Variants in NOL4 observed in about 807,000 individuals in gnomAD.
NOL4 encodes the protein cancer/testis antigen 125.
Under a neutral mutation model 75.9 loss-of-function variants are expected in NOL4, and 17 were observed. That is an observed-to-expected ratio of 0.22 (90% CI 0.15 to 0.34). NOL4 has a LOEUF of 0.34. NOL4 is among the 10% of genes least tolerant of loss of function. The probability of loss-of-function intolerance (pLI) is 1.00; values close to 1 mark genes in which losing one functional copy is unlikely to be tolerated. For synonymous variants in NOL4, 292 were observed against 289.9 expected (o/e 1.01, Z -0.07); for missense variants, 614 against 793.5 (o/e 0.77, Z 2.72).
rs763555799 is a variant in NOL4, at chr18:34,105,206, A to G, written c.415-46T>C. 3.3e-6 allele frequency: 4 copies of G among 1,198,524 alleles called. No homozygotes were observed. In the South Asian group the frequency reaches 4.9e-5, roughly 15 times the overall value. The allele number at this position is 1,198,524 out of a possible 1,614,324, so 74.2% of individuals were successfully genotyped here. On this transcript the variant is annotated intron_variant, in intron 2 of 10. Transcript: ENST00000261592. The stretch of plus-strand genomic sequence containing the variant: ...CAGGTGTTATTATATAAGCTCACTG[A>G]GCATGATTTAACAGAAATGATCATT...
intron 6 of NOL4, among the ~76,000 whole-genome samples, chr18:33,999,915 G>T (rs1195426813): frequency 1.3e-5 from 2 of 152,002 alleles, no homozygotes; most frequent in African/African-American, 4.8e-5. Context: ...GCCTCCCAAA[G>T]TGCTGGGATT....
chr18:34,103,606 A>G (rs1435592277), intron 4 of NOL4, among the ~76,000 whole-genome samples: 2 of 152,060 alleles, frequency 1.3e-5, no homozygotes, highest in Non-Finnish European at 2.9e-5. Flanking sequence ...TAAAATTTAC[A>G]TAAGGTTTGA....
intron 6 of NOL4, among the ~76,000 whole-genome samples, chr18:33,961,605 T>C (rs191896142): frequency 6.6e-6 from 1 of 152,222 alleles, no homozygotes; most frequent in Admixed American, 6.6e-5. Context: ...TGATTCTGTT[T>C]CTCTGGAGAA....
intron 9 of NOL4, among the ~76,000 whole-genome samples, chr18:33,884,484 C>T (rs1413732431): frequency 1.3e-5 from 2 of 151,978 alleles, no homozygotes; most frequent in Non-Finnish European, 2.9e-5. Flanking sequence ...GGAAATAAAA[C>T]GTTTAAATTG....
Position 33,851,798 on chromosome 18 carries a change from T to C in NOL4, c.*1044A>G, listed in dbSNP as rs1045642141. 3 of 152,506 alleles carry C rather than the reference T, an allele frequency of 2.0e-5. No individual in the cohort carries two copies. Among genetic ancestry groups the C allele is most frequent in the Non-Finnish European group, 4.4e-5 (3 of 67,992 alleles). 9.4% of individuals were successfully genotyped at this position (152,506 alleles called of 1,614,324 possible). ...TATTTTTAGCTAGAACTGAAAATTA[T>C]ACAAATCATATCAGGAGATGTAATG... On this transcript the variant is annotated 3_prime_UTR_variant, in exon 11 of 11. Coordinates refer to ENST00000261592, the MANE Select transcript of NOL4 (RefSeq NM_003787.5).
intron 9 of NOL4, among the ~76,000 whole-genome samples, chr18:33,897,711 CAT>C (rs753630862): frequency 2.6e-4 from 40 of 152,184 alleles, no homozygotes; most frequent in Non-Finnish European, 4.7e-4. Flanking sequence ...TCCCATGACA[CAT>C]GTTTGACTAC....
At chr18:34,045,191 G>C (rs1348741735) in intron 5 of NOL4, among the ~76,000 whole-genome samples, 2 of 152,108 alleles carry the variant, frequency 1.3e-5, no homozygotes, top group East Asian at 3.9e-4. Flanking sequence ...GGGCTAACAG[G>C]CATGAGCCAC....
intron 9 of NOL4, among the ~76,000 whole-genome samples, chr18:33,906,508 A>G (rs1345288913): frequency 1.3e-5 from 2 of 152,168 alleles, no homozygotes; most frequent in African/African-American, 2.4e-5. Flanking sequence ...CAGATACAAG[A>G]CTTTAAAACC....
chr18:33,970,422 C>G (rs1177311231), intron 6 of NOL4, among the ~76,000 whole-genome samples: 1 of 152,000 alleles, frequency 6.6e-6, no homozygotes, highest in Non-Finnish European at 1.5e-5. Context: ...CTTTGACATA[C>G]TGACATTTTT....
intron 10 of NOL4, among the ~76,000 whole-genome samples, chr18:33,881,127 A>G (rs150760923): frequency 0.014 from 2,146 of 151,808 alleles, 52 homozygotes; most frequent in African/African-American, 0.048. Flanking sequence ...CTTTGAAGCA[A>G]TTGTGAATGG....
chr18:34,068,970 T>C (rs1032508414), intron 5 of NOL4, among the ~76,000 whole-genome samples: 16 of 152,086 alleles, frequency 1.1e-4, no homozygotes, highest in Admixed American at 1.0e-3. Context: ...CATTCTTTTA[T>C]AGCAATACTC....
chr18:34,107,581 G>A (rs2079364012), intron 2 of NOL4, among the ~76,000 whole-genome samples: 1 of 150,528 alleles, frequency 6.6e-6, no homozygotes, highest in East Asian at 2.0e-4. Context: ...ACAGACCACA[G>A]AGTCCTCCTA....
chr18:33,921,882 T>C (rs1465970167), intron 9 of NOL4, among the ~76,000 whole-genome samples: 2 of 152,148 alleles, frequency 1.3e-5, no homozygotes, highest in Non-Finnish European at 2.9e-5. Flanking sequence ...CTGTATCTGA[T>C]CCTCCTACCC....
rs557589960 is a variant in NOL4 at position 34,141,365 on chromosome 18, C to T, written c.265-11345G>A. ...GTTCATATGGAACCAAAAAAGAGCC[C>T]GCATCACCAAGTCAATCCTAAGCCA... On this transcript the variant is annotated intron_variant, in intron 1 of 10. Transcript: ENST00000261592. 4.9e-4 allele frequency among the ~76,000 whole-genome samples: 75 copies of T among 151,822 alleles called. No individual in the cohort carries two copies. The South Asian group carries it at 0.014, about 28-fold the overall frequency.
chr18:33,888,611 G>A (rs1255581660), intron 9 of NOL4, among the ~76,000 whole-genome samples: 2 of 151,926 alleles, frequency 1.3e-5, no homozygotes, highest in African/African-American at 4.8e-5. Context: ...TGTAAGGAAG[G>A]GATCCAGTTT....
chr18:34,085,334 T>C (rs2078196866), intron 5 of NOL4, among the ~76,000 whole-genome samples: 1 of 152,112 alleles, frequency 6.6e-6, no homozygotes, highest in Admixed American at 6.6e-5. Flanking sequence ...GAACTTTGGA[T>C]CCACATAAAC....
intron 5 of NOL4, among the ~76,000 whole-genome samples, chr18:34,043,193 C>T (rs983137090): frequency 1.3e-5 from 2 of 152,020 alleles, no homozygotes; most frequent in Non-Finnish European, 2.9e-5. Flanking sequence ...TGTGCTTTGG[C>T]AAAAGCAGAT....
At chr18:33,863,562 A>C (rs1333739931) in intron 10 of NOL4, among the ~76,000 whole-genome samples, 1 of 152,170 alleles carries the variant, frequency 6.6e-6, no homozygotes, top group Non-Finnish European at 1.5e-5. Flanking sequence ...GCAGTCATGA[A>C]ATCTTAAAGC....
At chr18:34,109,686 G>C (rs2079489550) in intron 2 of NOL4, among the ~76,000 whole-genome samples, 1 of 151,792 alleles carries the variant, frequency 6.6e-6, no homozygotes, top group Non-Finnish European at 1.5e-5. Context: ...AAAAAAGGTA[G>C]AGACCAGAAA....
Sources: gnomAD v4.1 joint callset for allele counts (sites outside exome capture counted in the v4.1 genomes callset) on GRCh38, gnomAD v4.1.1 for gene constraint, MANE v1.5 for transcripts, NCBI Gene and HGNC (gene_info 2026-07-23, HGNC 2026-07-21) for gene names.